The following NTM variants were observed in gnomAD, a reference collection of about 807,000 sequenced individuals.
NTM encodes IgLON family member 2.
NTM carries 13 observed loss-of-function variants against 42.1 expected under a neutral mutation model. The observed-to-expected ratio is 0.31, with a 90% CI of 0.20 to 0.49. The LOEUF is 0.49. NTM is among the 20% of genes least tolerant of loss of function. The probability of loss-of-function intolerance (pLI) is 0.99; values close to 1 mark genes in which losing one functional copy is unlikely to be tolerated. For synonymous variants in NTM, 187 were observed against 179.2 expected (o/e 1.04, Z -0.35); for missense variants, 373 against 452.8 (o/e 0.82, Z 1.60).
At chr11:132,213,575 T>C (rs908929327) in intron 4 of NTM, among the ~76,000 whole-genome samples, 5 of 151,948 alleles carry the variant, frequency 3.3e-5, no homozygotes, top group East Asian at 1.9e-4. Context: ...CCACTATACT[T>C]CAACATTTTA....
intron 3 of NTM, among the ~76,000 whole-genome samples, chr11:132,202,428 A>G (rs1177398194): frequency 6.6e-6 from 1 of 152,176 alleles, no homozygotes; most frequent in South Asian, 2.1e-4. Context: ...AAAGCCAGTC[A>G]TATAGCCCCA....
chr11:131,680,270 G>A (rs1428495076), intron 1 of NTM, among the ~76,000 whole-genome samples: 3 of 152,126 alleles, frequency 2.0e-5, no homozygotes, highest in African/African-American at 7.2e-5. Flanking sequence ...ACCAGATATG[G>A]GCTGTTAGAG....
Position 131,876,057 on chromosome 11 carries a change from C to A in NTM, c.83-35507C>A, listed in dbSNP as rs1306744617. Among the ~76,000 whole-genome samples, 3 of 152,180 alleles carry A rather than the reference C, an allele frequency of 2.0e-5. No homozygotes were observed. The East Asian group carries it at 5.8e-4, about 29-fold the overall frequency. On this transcript the variant is annotated intron_variant, in intron 1 of 8. Coordinates refer to ENST00000683400, the MANE Select transcript of NTM (RefSeq NM_001352005.2). ...AGCAAAGCGATTTCCGTGACATTTT[C>A]TTGTGGCATTTGAAGGGGGATAAAG...
chr11:132,108,525 C>T (rs1229349121), intron 2 of NTM, among the ~76,000 whole-genome samples: 1 of 151,942 alleles, frequency 6.6e-6, no homozygotes, highest in Non-Finnish European at 1.5e-5. Flanking sequence ...ACTCTGGGGA[C>T]TTGGGAGGAA....
At chr11:131,985,888 C>T (rs2135010459) in intron 2 of NTM, among the ~76,000 whole-genome samples, 1 of 152,326 alleles carries the variant, frequency 6.6e-6, no homozygotes, top group Admixed American at 6.5e-5. Context: ...AAGAGTCTGT[C>T]ATCAGGACAC....
At chr11:132,096,858 T>C (rs2061063624) in intron 2 of NTM, among the ~76,000 whole-genome samples, 2 of 152,142 alleles carry the variant, frequency 1.3e-5, no homozygotes, top group Non-Finnish European at 1.5e-5. Context: ...GTGGAGAGTC[T>C]GAGAGGAGAA....
chr11:132,017,532 C>T (rs934966247), intron 2 of NTM, among the ~76,000 whole-genome samples: 6 of 152,010 alleles, frequency 3.9e-5, no homozygotes, highest in African/African-American at 1.2e-4. Flanking sequence ...TCTAACTTTG[C>T]ATCAATATCA....
chr11:131,796,632 A>C (rs1286942912), intron 1 of NTM, among the ~76,000 whole-genome samples: 1 of 152,188 alleles, frequency 6.6e-6, no homozygotes, highest in African/African-American at 2.4e-5. Context: ...CAGCCTCAAC[A>C]TCACAAGGCA....
chr11:131,739,834 G>A (rs1255520576), intron 1 of NTM, among the ~76,000 whole-genome samples: 1 of 152,190 alleles, frequency 6.6e-6, no homozygotes, highest in Admixed American at 6.5e-5. Flanking sequence ...TTCAAATGCA[G>A]ACAGGTCTAT....
intron 1 of NTM, among the ~76,000 whole-genome samples, chr11:131,685,293 C>T (rs1384639811): frequency 6.6e-6 from 1 of 152,096 alleles, no homozygotes; most frequent in East Asian, 1.9e-4. Context: ...CCCCAGCCAG[C>T]ATCCATGGGA....
intron 1 of NTM, among the ~76,000 whole-genome samples, chr11:131,505,685 C>T (rs1008711723): frequency 7.9e-5 from 12 of 152,152 alleles, no homozygotes; most frequent in Non-Finnish European, 1.8e-4. Flanking sequence ...CACACTCACG[C>T]ACATGCTCAC....
In NTM at chr11:132,020,000, T is replaced by G. The variant is rs570134228; in HGVS notation, c.167+108352T>G. ...ATTCAATCCTGTACTCCTCCCCTCCTTATATTCCCCCATGTCTATTATTCC... is the reference window on the plus strand; with the variant it reads ...ATTCAATCCTGTACTCCTCCCCTCCGTATATTCCCCCATGTCTATTATTCC... On this transcript the variant is annotated intron_variant, in intron 2 of 8. Coordinates refer to ENST00000683400, the MANE Select transcript of NTM (RefSeq NM_001352005.2). Among the ~76,000 whole-genome samples, 17 of 152,196 alleles carry G rather than the reference T, an allele frequency of 1.1e-4. No individual in the cohort carries two copies. The South Asian group carries it at 3.5e-3, about 32-fold the overall frequency.
At chr11:131,405,397 C>T (rs1351452471) in intron 1 of NTM, among the ~76,000 whole-genome samples, 1 of 151,104 alleles carries the variant, frequency 6.6e-6, no homozygotes, top group Non-Finnish European at 1.5e-5. Context: ...TCTCCCCTAA[C>T]TTAGTTAAGG....
intron 2 of NTM, among the ~76,000 whole-genome samples, chr11:131,988,416 C>A (rs568999234): frequency 1.3e-5 from 2 of 152,336 alleles, no homozygotes; most frequent in East Asian, 3.9e-4. Context: ...GTGGTCTGAT[C>A]TGGCATCCTG....
chr11:132,132,985 A>T (rs907434699), intron 2 of NTM, among the ~76,000 whole-genome samples: 3 of 152,172 alleles, frequency 2.0e-5, no homozygotes, highest in Admixed American at 2.0e-4. Context: ...CTTACAATCC[A>T]CTCACCCCAG....
intron 1 of NTM, among the ~76,000 whole-genome samples, chr11:131,861,210 T>C (rs2046597717): frequency 6.6e-6 from 1 of 152,180 alleles, no homozygotes; most frequent in African/African-American, 2.4e-5. Context: ...AGGAAGGGCC[T>C]ACACATCAAC....
In NTM at chr11:131,812,183, C is replaced by CCTCTCTCTCTCTCTCTCTCT. The variant is rs145003478; in HGVS notation, c.83-99362_83-99343dup. Among the ~76,000 whole-genome samples, 282 of 142,970 alleles carry CCTCTCTCTCTCTCTCTCTCT rather than the reference C, an allele frequency of 2.0e-3. 3 individuals carry two copies. The highest frequency in any genetic ancestry group is 7.3e-3 in the African/African-American group (264 of 36,246). 93.8% of individuals were successfully genotyped at this position (142,970 alleles called of 152,430 possible). A position where few individuals can be genotyped will look rare whatever the true frequency, so the allele number is the denominator to read the frequency against. On this transcript the variant is annotated intron_variant, in intron 1 of 8. Transcript: ENST00000683400. ...CTTTGTCAGAAAGATAATTAGTCAG[C>CCTCTCTCTCTCTCTCTCTCT]CTCTCTCTCTCTCTCTCTCTCTCTC...
In NTM at chr11:131,988,095, T is replaced by C. The variant is rs561708559; in HGVS notation, c.167+76447T>C. ...TCTGTTGAGAGTCCATTTCCTCAGA[T>C]GGTGCCTTCTTGCTGTGTCCTCACA... is the stretch of plus-strand genomic sequence containing the variant. On this transcript the variant is annotated intron_variant, in intron 2 of 8. Coordinates refer to ENST00000683400, the MANE Select transcript of NTM (RefSeq NM_001352005.2). Among the ~76,000 whole-genome samples the C allele has an allele frequency of 2.0e-5, 3 of 152,340 alleles. No individual in the cohort carries two copies. In the East Asian group the frequency reaches 5.8e-4, roughly 29 times the overall value.
intron 5 of NTM, among the ~76,000 whole-genome samples, chr11:132,308,752 A>T (rs1369968915): frequency 6.6e-6 from 1 of 152,212 alleles, no homozygotes; most frequent in Admixed American, 6.5e-5. Context: ...GCGGTTTAAG[A>T]AGCAAGGCAA....
Sources: gnomAD v4.1 joint callset for allele counts (sites outside exome capture counted in the v4.1 genomes callset) on GRCh38, gnomAD v4.1.1 for gene constraint, MANE v1.5 for transcripts, NCBI Gene and HGNC (gene_info 2026-07-23, HGNC 2026-07-21) for gene names.